The following RIC1 variants were observed in gnomAD, a reference collection of about 807,000 sequenced individuals.
The protein encoded by RIC1 is RIC1 partner of RAB6A GEF complex.
A neutral mutation model predicts 169.0 loss-of-function variants in RIC1; 88 were observed. That is an observed-to-expected ratio of 0.52 (90% CI 0.44 to 0.62). The LOEUF is 0.62. RIC1 is among the 20% of genes least tolerant of loss of function. RIC1 has a pLI of 0.00. For missense variants in RIC1, 1,877 were observed against 1,725.5 expected, an observed-to-expected ratio of 1.09 and a Z score of -1.56; for synonymous variants, 790 against 601.5, an observed-to-expected ratio of 1.31 and a Z score of -4.59.
At chr9:5,659,671 A>T (rs1819332221) in intron 2 of RIC1, among the ~76,000 whole-genome samples, 1 of 152,138 alleles carries the variant, frequency 6.6e-6, no homozygotes, top group African/African-American at 2.4e-5. Flanking sequence ...AATTATTTAG[A>T]CCTTCAATTT....
Position 5,683,681 on chromosome 9 carries a change from A to T in RIC1, c.253-6278A>T, listed in dbSNP as rs369722179. ...ACTACCCTCTTCAAAGCTGTCAGAC[A>T]GGGACATTTAAGTCTGCAGAGGTTA... On this transcript the variant is annotated intron_variant, in intron 2 of 25. Transcript: ENST00000414202. Among the ~76,000 whole-genome samples, 3 of 152,196 alleles carry T rather than the reference A, an allele frequency of 2.0e-5. No homozygotes were observed. The East Asian group carries it at 5.8e-4, about 29-fold the overall frequency.
chr9:5,685,987 A>G (rs1169464222), intron 2 of RIC1, among the ~76,000 whole-genome samples: 3 of 152,156 alleles, frequency 2.0e-5, no homozygotes, highest in Non-Finnish European at 4.4e-5. Context: ...GACACTTCTG[A>G]AAAGAAGACA....
chr9:5,733,511 G>A (rs1005032195), intron 7 of RIC1, among the ~76,000 whole-genome samples: 3 of 151,886 alleles, frequency 2.0e-5, no homozygotes, highest in Non-Finnish European at 4.4e-5. Context: ...CTTGTGATCC[G>A]CCTTGGCCTC....
At chr9:5,717,497 C>G (rs1296031137) in intron 4 of RIC1, among the ~76,000 whole-genome samples, 1 of 152,026 alleles carries the variant, frequency 6.6e-6, no homozygotes, top group Non-Finnish European at 1.5e-5. Flanking sequence ...GAAAGCTGAC[C>G]AATCCGGGAG....
intron 2 of RIC1, among the ~76,000 whole-genome samples, chr9:5,663,695 G>C (rs767373939): frequency 6.6e-6 from 1 of 152,136 alleles, no homozygotes; most frequent in Non-Finnish European, 1.5e-5. Flanking sequence ...ATTTTGGGAT[G>C]TGTGTCTTTG....
chr9:5,630,045 C>T (rs1184620990), intron 1 of RIC1, among the ~76,000 whole-genome samples: 3 of 152,172 alleles, frequency 2.0e-5, no homozygotes, highest in Admixed American at 2.0e-4. Context: ...TTTTTCTTTG[C>T]TGCTGCTCTT....
At chr9:5,747,891 G>T (rs896898709) in intron 12 of RIC1, among the ~76,000 whole-genome samples, 6 of 152,164 alleles carry the variant, frequency 3.9e-5, no homozygotes, top group Non-Finnish European at 8.8e-5. Context: ...ACTCTGTACA[G>T]CTGACCTTAC....
Position 5,772,669 on chromosome 9 carries a change from C to T in RIC1, c.3722C>T (p.Thr1241Ile), listed in dbSNP as rs1563728634. Residue 1241 changes from threonine to isoleucine, a missense_variant, in exon 24 of 26, where the codon ACT (threonine) becomes ATT (isoleucine). By Grantham distance (89) the Thr-to-Ile change is moderately conservative. This residue lies in a region of RIC1 where 681 missense variants were observed against 582.0 expected (regional missense o/e 1.17). Coordinates refer to ENST00000414202, the MANE Select transcript of RIC1 (RefSeq NM_020829.4). ...GAAAATTTCTCTACACTCAGTTTAA[C>T]TCAGTCAGAGCTGGAGCACATTTCC... ...VDENFSTLSL[T>I]QSELEHISME... 1.2e-6 allele frequency: 2 copies of T among 1,613,914 alleles called. No individual in the cohort carries two copies. The highest frequency in any genetic ancestry group is 1.7e-6 in the Non-Finnish European group (2 of 1,179,924).
intron 3 of RIC1, among the ~76,000 whole-genome samples, chr9:5,698,312 G>T (rs1352798057): frequency 1.3e-5 from 2 of 152,136 alleles, no homozygotes; most frequent in African/African-American, 4.8e-5. Context: ...ATTGTGGTTT[G>T]ATTTTTGGTT....
chr9:5,640,137 C>T (rs1197766996), intron 1 of RIC1, among the ~76,000 whole-genome samples: 5 of 152,084 alleles, frequency 3.3e-5, no homozygotes, highest in Non-Finnish European at 5.9e-5. Context: ...TTGTGGTCTT[C>T]GTTCTTTCTT....
At chr9:5,638,559 A>G (rs1050134615) in intron 1 of RIC1, among the ~76,000 whole-genome samples, 5 of 152,142 alleles carry the variant, frequency 3.3e-5, no homozygotes, top group Non-Finnish European at 5.9e-5. Context: ...TCATGATTCA[A>G]TCTTGGTAGG....
chr9:5,760,651 T>A (rs968971627), intron 17 of RIC1, among the ~76,000 whole-genome samples: 3 of 152,236 alleles, frequency 2.0e-5, no homozygotes, highest in African/African-American at 7.2e-5. Context: ...CTGACTCTTC[T>A]AGTTGCCACA....
chr9:5,722,979 C>A (rs1823704910), intron 6 of RIC1, among the ~76,000 whole-genome samples: 1 of 152,170 alleles, frequency 6.6e-6, no homozygotes, highest in South Asian at 2.1e-4. Context: ...GGGCTTGGTA[C>A]CAAGTCTTTG....
In RIC1 at chr9:5,676,222, A is replaced by G. The variant is rs537004295; in HGVS notation, c.253-13737A>G. Among the ~76,000 whole-genome samples the G allele has an allele frequency of 1.4e-4, 21 of 152,288 alleles. 1 individual carries two copies. In the South Asian group the frequency reaches 4.4e-3, roughly 32 times the overall value. The stretch of plus-strand genomic sequence containing the variant: ...GTGAGCCACTGCACCTGGCCTGGAT[A>G]AGCAAACTTTCTAGGTAACCAAAGC... On this transcript the variant is annotated intron_variant, in intron 2 of 25. Transcript: ENST00000414202.
intron 17 of RIC1, among the ~76,000 whole-genome samples, chr9:5,761,465 TA>T (rs1251372627): frequency 6.6e-6 from 1 of 152,176 alleles, no homozygotes; most frequent in Non-Finnish European, 1.5e-5. Context: ...GTCTCTGATT[TA>T]GTGATTGCTC....
At chr9:5,656,945 A>G (rs373350465) in intron 2 of RIC1, among the ~76,000 whole-genome samples, 5 of 151,888 alleles carry the variant, frequency 3.3e-5, no homozygotes, top group African/African-American at 1.2e-4. Flanking sequence ...TGTTGTTCTC[A>G]CTTTACTGTT....
intron 8 of RIC1, among the ~76,000 whole-genome samples, chr9:5,741,711 A>T (rs1825091835): frequency 6.6e-6 from 1 of 152,148 alleles, no homozygotes; most frequent in African/African-American, 2.4e-5. Flanking sequence ...CATTGGCTAT[A>T]AAAAGCAGTT....
rs189579862 is a variant in RIC1, at chr9:5,711,265, C to A, written c.333-2631C>A. ...GACATGTCCCCAGTGTACTTATCTCCCAGATTCAAAAGTTGTCAACATCCC... is the reference window on the plus strand; with the variant it reads ...GACATGTCCCCAGTGTACTTATCTCACAGATTCAAAAGTTGTCAACATCCC... On this transcript the variant is annotated intron_variant, in intron 3 of 25. Transcript: ENST00000414202. Among the ~76,000 whole-genome samples the A allele has an allele frequency of 5.0e-3, 765 of 152,180 alleles. 8 individuals carry two copies. The highest frequency in any genetic ancestry group is 0.017 in the African/African-American group (727 of 41,546).
chr9:5,675,859 A>T (rs1820410717), intron 2 of RIC1, among the ~76,000 whole-genome samples: 1 of 152,232 alleles, frequency 6.6e-6, no homozygotes, highest in African/African-American at 2.4e-5. Flanking sequence ...TGCTATTCAT[A>T]ATATGCATAC....
Sources: allele counts gnomAD v4.1 joint callset (sites outside exome capture counted in the v4.1 genomes callset), GRCh38; gene constraint gnomAD v4.1.1; regional missense constraint gnomAD v4.1.1; transcripts MANE v1.5; gene names NCBI Gene and HGNC (gene_info 2026-07-23, HGNC 2026-07-21).